The following SSBP3 variants were observed in gnomAD, a reference collection of about 807,000 sequenced individuals.
The protein encoded by SSBP3 is single-stranded DNA-binding protein 3.
A neutral mutation model predicts 69.6 loss-of-function variants in SSBP3; 5 were observed. The ratio of observed to expected loss-of-function variants is 0.07; its 90% CI spans 0.04 to 0.15. The LOEUF (loss-of-function observed/expected upper bound fraction) is 0.15, where lower values mean the gene tolerates loss of function less well. Ranked by LOEUF, SSBP3 falls within the 10% of genes least tolerant of loss-of-function variation. The pLI is 1.00. For missense variants in SSBP3, 312 were observed against 534.0 expected (o/e 0.58, Z 4.10); for synonymous variants, 196 against 193.4 (o/e 1.01, Z -0.11).
chr1:54,327,217 AAAGGAAGG>A (rs55892071), intron 4 of SSBP3, among the ~76,000 whole-genome samples: 10,052 of 134,066 alleles, frequency 0.075, 416 homozygotes, highest in Middle Eastern at 0.12. Flanking sequence ...AAGAGAGGGA[AAAGGAAGG>A]AAGGAAGGAA....
intron 5 of SSBP3, among the ~76,000 whole-genome samples, chr1:54,269,130 C>T (rs749542417): frequency 6.6e-6 from 1 of 152,134 alleles, no homozygotes; most frequent in Admixed American, 6.5e-5. Flanking sequence ...CTCCTTATTA[C>T]CTCACACAGC....
intron 4 of SSBP3, among the ~76,000 whole-genome samples, chr1:54,380,117 C>A (rs1647502268): frequency 6.6e-6 from 1 of 152,188 alleles, no homozygotes; most frequent in African/African-American, 2.4e-5. Flanking sequence ...AGGCTCCTCC[C>A]TCTCCTAGGG....
At chr1:54,304,800 G>C (rs1471584657) in intron 4 of SSBP3, among the ~76,000 whole-genome samples, 1 of 152,182 alleles carries the variant, frequency 6.6e-6, no homozygotes, top group East Asian at 1.9e-4. Flanking sequence ...AAACAACCCA[G>C]GGCCTTGTAA....
intron 4 of SSBP3, among the ~76,000 whole-genome samples, chr1:54,397,172 AGC>A (rs1648953130): frequency 6.6e-6 from 1 of 152,232 alleles, no homozygotes; most frequent in East Asian, 1.9e-4. Flanking sequence ...CTGGGCAGAT[AGC>A]TAGCCTGGCT....
At chr1:54,315,528 T>C (rs1319980858) in intron 4 of SSBP3, among the ~76,000 whole-genome samples, 1 of 151,928 alleles carries the variant, frequency 6.6e-6, no homozygotes, top group Non-Finnish European at 1.5e-5. Flanking sequence ...CCAGTGCAAG[T>C]TAAAATGCAG....
At chr1:54,294,099 C>A (rs539620618) in intron 4 of SSBP3, among the ~76,000 whole-genome samples, 1 of 133,226 alleles carries the variant, frequency 7.5e-6, no homozygotes, top group South Asian at 2.4e-4. Flanking sequence ...GCCGAGATCA[C>A]GCCACTGCAC....
intron 14 of SSBP3, among the ~76,000 whole-genome samples, chr1:54,233,752 G>C (rs1200408569): frequency 6.6e-6 from 1 of 151,798 alleles, no homozygotes. Context: ...TGCCCCGTCC[G>C]GGAGGGAGGT....
Position 54,302,054 on chromosome 1 carries a change from T to TG in SSBP3, c.277-20528dup, listed in dbSNP as rs554889180. 8.7e-3 allele frequency among the ~76,000 whole-genome samples: 1,260 copies of TG among 144,734 alleles called. 11 individuals carry two copies. The highest frequency in any genetic ancestry group is 0.013 in the Non-Finnish European group (851 of 65,232). The allele number at this position is 144,734 out of a possible 152,430, so 95.0% of individuals were successfully genotyped here. ...GCTCCAGAGGGCGGCTGGGTGGGGGTGGGGGGGTACCCCCATTCTTTCCAG... is the reference window on the plus strand; with the variant it reads ...GCTCCAGAGGGCGGCTGGGTGGGGGTGGGGGGGGTACCCCCATTCTTTCCAG... On this transcript the variant is annotated intron_variant, in intron 4 of 17. Transcript: ENST00000610401.
At chr1:54,325,355 G>A (rs988497453) in intron 4 of SSBP3, 1 of 167,114 alleles carries the variant, frequency 6.0e-6, no homozygotes, top group Admixed American at 6.5e-5. Context: ...GAAAAGGCAG[G>A]AACAGAATCT....
chr1:54,261,012 C>T (rs574098357), intron 5 of SSBP3, among the ~76,000 whole-genome samples: 2 of 152,230 alleles, frequency 1.3e-5, no homozygotes, highest in East Asian at 1.9e-4. Flanking sequence ...CAGAGCCAGA[C>T]GCCTGCCATT....
intron 4 of SSBP3, among the ~76,000 whole-genome samples, chr1:54,294,851 G>C (rs1038534421): frequency 6.6e-6 from 1 of 152,178 alleles, no homozygotes; most frequent in African/African-American, 2.4e-5. Context: ...AAGGACAGCA[G>C]AGGAAAAAGG....
chr1:54,345,661 CAA>C (rs1646677004), intron 4 of SSBP3, among the ~76,000 whole-genome samples: 1 of 152,198 alleles, frequency 6.6e-6, no homozygotes, highest in African/African-American at 2.4e-5. Context: ...AAACGCCAAG[CAA>C]AGTCTCTGTG....
At position 54,316,693 on chromosome 1, in the gene SSBP3, TAAATAAATAAATAAATA is replaced by T. The variant is rs1219931980; in HGVS notation, c.277-35183_277-35167del. ...ATAAATAAATAAATAAATAAATAAA[TAAATAAATAAATAAATA>T]AAATAAAATAAAATAAAATAAAAAT... On this transcript the variant is annotated intron_variant, in intron 4 of 17. Transcript: ENST00000610401. 9.2e-3 allele frequency among the ~76,000 whole-genome samples: 1,173 copies of T among 127,088 alleles called. 103 individuals carry two copies. Among genetic ancestry groups the T allele is most frequent in the East Asian group, 0.073 (333 of 4,544 alleles). The allele number at this position is 127,088 out of a possible 152,430, so 83.4% of individuals were successfully genotyped here. A position where few individuals can be genotyped will look rare whatever the true frequency, so the allele number is the denominator to read the frequency against.
At chr1:54,283,990 T>C (rs988949836) in intron 4 of SSBP3, among the ~76,000 whole-genome samples, 6 of 152,158 alleles carry the variant, frequency 3.9e-5, no homozygotes, top group Non-Finnish European at 7.4e-5. Flanking sequence ...AGCAAAAAAC[T>C]TTTTTTAAAA....
At chr1:54,396,228 T>C (rs892226161) in intron 4 of SSBP3, among the ~76,000 whole-genome samples, 7 of 129,478 alleles carry the variant, frequency 5.4e-5, no homozygotes, top group Non-Finnish European at 1.1e-4. Flanking sequence ...AACAACCCCA[T>C]TACCCCAGCG....
At chr1:54,305,243 G>A (rs151084431) in intron 4 of SSBP3, among the ~76,000 whole-genome samples, 327 of 152,312 alleles carry the variant, frequency 2.1e-3, no homozygotes, top group Non-Finnish European at 3.8e-3. Flanking sequence ...TTCAGTAGCT[G>A]TGAGTTTCTC....
chr1:54,402,466 A>T (rs1207926098), intron 3 of SSBP3, among the ~76,000 whole-genome samples: 1 of 152,204 alleles, frequency 6.6e-6, no homozygotes, highest in African/African-American at 2.4e-5. Context: ...CTCTGGCAAT[A>T]GGAACTTTAC....
At chr1:54,389,539 G>C (rs1444209729) in intron 4 of SSBP3, among the ~76,000 whole-genome samples, 1 of 151,838 alleles carries the variant, frequency 6.6e-6, no homozygotes, top group Non-Finnish European at 1.5e-5. Flanking sequence ...CTGGGCAGGG[G>C]GTCATCAATT....
intron 4 of SSBP3, among the ~76,000 whole-genome samples, chr1:54,282,987 CT>C (rs1168785839): frequency 6.6e-6 from 1 of 152,234 alleles, no homozygotes; most frequent in Non-Finnish European, 1.5e-5. Flanking sequence ...GAACCAGAGG[CT>C]GGGCGTGGTG....
Sources: gnomAD v4.1 joint callset for allele counts (sites outside exome capture counted in the v4.1 genomes callset) on GRCh38, gnomAD v4.1.1 for gene constraint, MANE v1.5 for transcripts, NCBI Gene and HGNC (gene_info 2026-07-23, HGNC 2026-07-21) for gene names.